WWOX: variants seen among roughly 807,000 people sequenced by gnomAD.
WWOX encodes the protein WW domain-containing oxidoreductase.
Under a neutral mutation model 46.2 loss-of-function variants are expected in WWOX, and 69 were observed. The observed-to-expected ratio is 1.49, with a 90% CI of 1.23 to 1.82. The LOEUF is 1.82. Ranked by LOEUF, WWOX falls within the 40% of genes most tolerant of loss-of-function variation. WWOX has a pLI of 0.00. For missense variants in WWOX, 919 were observed against 542.6 expected (o/e 1.69, Z -6.89); for synonymous variants, 359 against 202.6 (o/e 1.77, Z -6.56).
In WWOX at chr16:79,113,646, A is replaced by G. The variant is rs556291355; in HGVS notation, c.1057-97962A>G. Among the ~76,000 whole-genome samples the G allele has an allele frequency of 8.5e-5, 13 of 152,372 alleles. No homozygotes were observed. In the South Asian group the frequency reaches 1.7e-3, roughly 19 times the overall value. ...TTGGCTGGAGAAGGAAGGGCTGACC[A>G]TAAGTTGCACTAAACTGCTCTCAGC... On this transcript the variant is annotated intron_variant, in intron 8 of 8. Coordinates refer to ENST00000566780, the MANE Select transcript of WWOX (RefSeq NM_016373.4).
intron 8 of WWOX, among the ~76,000 whole-genome samples, chr16:78,725,722 G>C (rs1030806333): frequency 6.6e-6 from 1 of 152,016 alleles, no homozygotes; most frequent in Non-Finnish European, 1.5e-5. Context: ...AAAGTGAGAA[G>C]TCCAAAATCA....
intron 8 of WWOX, among the ~76,000 whole-genome samples, chr16:78,926,431 C>T (rs545397735): frequency 2.0e-5 from 3 of 151,644 alleles, no homozygotes; most frequent in Non-Finnish European, 4.4e-5. Flanking sequence ...TTGAATGTAA[C>T]TGTCTATAAT....
At chr16:78,903,587 G>T (rs2044883296) in intron 8 of WWOX, among the ~76,000 whole-genome samples, 1 of 152,148 alleles carries the variant, frequency 6.6e-6, no homozygotes, top group Non-Finnish European at 1.5e-5. Flanking sequence ...ACTTAGGCGT[G>T]GAAAGTTAAG....
intron 8 of WWOX, among the ~76,000 whole-genome samples, chr16:78,806,694 C>T (rs2051046692): frequency 6.6e-6 from 1 of 152,076 alleles, no homozygotes; most frequent in African/African-American, 2.4e-5. Context: ...TTATGGCCTT[C>T]CATAGAAGTT....
intron 8 of WWOX, among the ~76,000 whole-genome samples, chr16:78,712,852 A>T (rs1247495106): frequency 6.6e-6 from 1 of 152,284 alleles, no homozygotes; most frequent in African/African-American, 2.4e-5. Flanking sequence ...ATGTTAAATT[A>T]TTGTTGGCCG....
intron 5 of WWOX, among the ~76,000 whole-genome samples, chr16:78,173,752 G>A (rs950847817): frequency 6.6e-6 from 1 of 152,168 alleles, no homozygotes; most frequent in Non-Finnish European, 1.5e-5. Flanking sequence ...TCTTGTTGGA[G>A]CAATATTTCT....
intron 8 of WWOX, among the ~76,000 whole-genome samples, chr16:78,916,350 C>A (rs532936368): frequency 6.6e-6 from 1 of 152,180 alleles, no homozygotes; most frequent in East Asian, 1.9e-4. Flanking sequence ...TTTCAAGAAG[C>A]TCGTTCGACA....
At chr16:78,200,848 A>T (rs2036208429) in intron 5 of WWOX, among the ~76,000 whole-genome samples, 1 of 151,960 alleles carries the variant, frequency 6.6e-6, no homozygotes, top group Non-Finnish European at 1.5e-5. Flanking sequence ...AACAGGCATC[A>T]CTCCCAAATT....
intron 8 of WWOX, among the ~76,000 whole-genome samples, chr16:78,668,938 G>T (rs184061469): frequency 9.0e-4 from 137 of 152,238 alleles, no homozygotes; most frequent in Non-Finnish European, 1.7e-3. Context: ...GTTTTTAAAA[G>T]GGAGAGATTT....
At chr16:78,685,639 G>C (rs1240385431) in intron 8 of WWOX, among the ~76,000 whole-genome samples, 2 of 152,208 alleles carry the variant, frequency 1.3e-5, no homozygotes, top group African/African-American at 4.8e-5. Context: ...TTTTGCTTGT[G>C]TGGTGCTAAA....
At chr16:78,287,461 C>G (rs1417016177) in intron 5 of WWOX, among the ~76,000 whole-genome samples, 1 of 152,160 alleles carries the variant, frequency 6.6e-6, no homozygotes, top group Non-Finnish European at 1.5e-5. Context: ...CAGTTGTAGT[C>G]TAGAGAGATA....
At chr16:78,711,700 C>T (rs1338157794) in intron 8 of WWOX, among the ~76,000 whole-genome samples, 1 of 152,132 alleles carries the variant, frequency 6.6e-6, no homozygotes, top group Non-Finnish European at 1.5e-5. Flanking sequence ...GGACGCAGCA[C>T]AGTTTGAATA....
At chr16:78,919,140 A>T (rs926530825) in intron 8 of WWOX, among the ~76,000 whole-genome samples, 2 of 152,218 alleles carry the variant, frequency 1.3e-5, no homozygotes, top group African/African-American at 4.8e-5. Context: ...CGGAACAATG[A>T]CCGCAATAAC....
intron 8 of WWOX, among the ~76,000 whole-genome samples, chr16:78,681,780 C>G (rs2047735790): frequency 6.6e-6 from 1 of 152,204 alleles, no homozygotes; most frequent in Non-Finnish European, 1.5e-5. Flanking sequence ...CTGTGGCGTA[C>G]TATCTATTTG....
intron 8 of WWOX, among the ~76,000 whole-genome samples, chr16:78,931,471 C>T (rs959574422): frequency 3.3e-5 from 5 of 152,152 alleles, no homozygotes; most frequent in Non-Finnish European, 7.3e-5. Flanking sequence ...GCATAGTCAG[C>T]AGATTTTGCT....
At chr16:78,615,924 G>C (rs2046013109) in intron 8 of WWOX, among the ~76,000 whole-genome samples, 1 of 151,896 alleles carries the variant, frequency 6.6e-6, no homozygotes, top group Non-Finnish European at 1.5e-5. Flanking sequence ...CTAATTTTTT[G>C]TATTTTTAGT....
chr16:78,193,219 C>T (rs569222431), intron 5 of WWOX, among the ~76,000 whole-genome samples: 1 of 152,322 alleles, frequency 6.6e-6, no homozygotes, highest in South Asian at 2.1e-4. Flanking sequence ...ATTCTGCCCA[C>T]AGGAAAGTGA....
chr16:78,680,572 A>G (rs1162884601), intron 8 of WWOX, among the ~76,000 whole-genome samples: 2 of 152,170 alleles, frequency 1.3e-5, no homozygotes, highest in Non-Finnish European at 2.9e-5. Flanking sequence ...GCTATCCAAT[A>G]CTTGAAGGTA....
chr16:78,336,363 C>T (rs1432756128), intron 5 of WWOX, among the ~76,000 whole-genome samples: 1 of 149,210 alleles, frequency 6.7e-6, no homozygotes, highest in Non-Finnish European at 1.5e-5. Context: ...ACAAATTAGC[C>T]AGGTGTGGTG....
Sources: gnomAD v4.1 joint callset for allele counts (sites outside exome capture counted in the v4.1 genomes callset) on GRCh38, gnomAD v4.1.1 for gene constraint, MANE v1.5 for transcripts, NCBI Gene and HGNC (gene_info 2026-07-23, HGNC 2026-07-21) for gene names.